ARHGAP6: variants seen among roughly 807,000 people sequenced by gnomAD.
The protein encoded by ARHGAP6 is Rho GTPase activating protein 6.
In ARHGAP6, 16 loss-of-function variants were observed where a neutral mutation model predicts 55.7. That is an observed-to-expected ratio of 0.29 (90% CI 0.19 to 0.44). ARHGAP6 has a LOEUF of 0.44. Ranked by LOEUF, ARHGAP6 falls within the 20% of genes least tolerant of loss-of-function variation. The probability of loss-of-function intolerance (pLI) is 1.00; values close to 1 mark genes in which losing one functional copy is unlikely to be tolerated. For missense variants in ARHGAP6, 698 were observed against 808.9 expected, an observed-to-expected ratio of 0.86 and a Z score of 1.66; for synonymous variants, 382 against 360.9, an observed-to-expected ratio of 1.06 and a Z score of -0.66.
At chrX:11,245,885 G>A (rs990011899) in intron 2 of ARHGAP6, among the ~76,000 whole-genome samples, 1 of 111,908 alleles carries the variant, frequency 8.9e-6, no homozygotes, top group Non-Finnish European at 1.9e-5. Flanking sequence ...CTGAGAACAG[G>A]CTGCAAACTA....
Position 11,443,664 on chromosome X carries a change from C to T in ARHGAP6, c.589-188957G>A, listed in dbSNP as rs144993593. On this transcript the variant is annotated intron_variant, in intron 1 of 12. Transcript: ENST00000337414. ...ACATTTCCTACCAGGTGCGGTGGCT[C>T]ACGCCTGTAATCCCAGTACTTTGGG... Among the ~76,000 whole-genome samples the T allele has an allele frequency of 9.1e-4, 103 of 112,582 alleles. 2 individuals carry two copies. The East Asian group carries it at 0.026, about 29-fold the overall frequency.
chrX:11,403,460 C>T (rs1292987300), intron 1 of ARHGAP6, among the ~76,000 whole-genome samples: 5 of 111,948 alleles, frequency 4.5e-5, no homozygotes, highest in Non-Finnish European at 9.4e-5. Context: ...GTGTATATCT[C>T]GTTAGGAACT....
chrX:11,409,902 G>A (rs1291440024), intron 1 of ARHGAP6, among the ~76,000 whole-genome samples: 1 of 112,221 alleles, frequency 8.9e-6, no homozygotes, highest in East Asian at 2.8e-4. Flanking sequence ...AAACCCAGGA[G>A]TTCAAGACCA....
intron 1 of ARHGAP6, among the ~76,000 whole-genome samples, chrX:11,444,533 G>C (rs1159803974): frequency 8.9e-6 from 1 of 112,221 alleles, no homozygotes; most frequent in African/African-American, 3.2e-5. Context: ...TCTCAGCAAG[G>C]ATGCCCTTTT....
In ARHGAP6 at chrX:11,632,384, C is replaced by T. The variant is rs763868636; in HGVS notation, c.588+31857G>A. Among the ~76,000 whole-genome samples, 76 of 112,301 alleles carry T rather than the reference C, an allele frequency of 6.8e-4. 1 individual carries two copies. Among genetic ancestry groups the T allele is most frequent in the Non-Finnish European group, 1.4e-3 (72 of 53,260 alleles). ...TAATACATAACAACTTGCCATCCTG[C>T]TGCTAGAAAGCCTTTGGGGTTACCA... On this transcript the variant is annotated intron_variant, in intron 1 of 12. Coordinates refer to ENST00000337414, the MANE Select transcript of ARHGAP6 (RefSeq NM_013427.3).
intron 1 of ARHGAP6, among the ~76,000 whole-genome samples, chrX:11,308,524 C>T (rs1193563653): frequency 1.8e-5 from 2 of 111,448 alleles, no homozygotes; most frequent in Non-Finnish European, 3.8e-5. Flanking sequence ...AATCAGTTAT[C>T]GATGTTATAG....
chrX:11,287,687 C>T (rs1170227870), intron 1 of ARHGAP6, among the ~76,000 whole-genome samples: 1 of 111,878 alleles, frequency 8.9e-6, no homozygotes, highest in Non-Finnish European at 1.9e-5. Context: ...TTCTGCACAC[C>T]AAGCATGCTC....
chrX:11,269,978 C>T (rs2047673099), intron 1 of ARHGAP6, among the ~76,000 whole-genome samples: 1 of 112,003 alleles, frequency 8.9e-6, no homozygotes, highest in Non-Finnish European at 1.9e-5. Context: ...GACCATGAAT[C>T]TGAAACAGTC....
chrX:11,272,507 C>A (rs1181681825), intron 1 of ARHGAP6, among the ~76,000 whole-genome samples: 2 of 110,193 alleles, frequency 1.8e-5, no homozygotes, highest in African/African-American at 6.6e-5. Flanking sequence ...ATTTCTTGCA[C>A]CCTTCCACAT....
chrX:11,165,108 T>C (rs778052690), intron 9 of ARHGAP6, among the ~76,000 whole-genome samples: 2 of 111,910 alleles, frequency 1.8e-5, no homozygotes, highest in East Asian at 2.8e-4. Context: ...GGTAAGGGAA[T>C]ATAAGCAGTA....
intron 1 of ARHGAP6, among the ~76,000 whole-genome samples, chrX:11,533,784 T>A (rs2051075890): frequency 8.9e-6 from 1 of 112,236 alleles, no homozygotes; most frequent in Non-Finnish European, 1.9e-5. Flanking sequence ...AAGATGCATC[T>A]CTAGTAGTGA....
At chrX:11,375,581 G>A (rs1226795920) in intron 1 of ARHGAP6, among the ~76,000 whole-genome samples, 15 of 111,930 alleles carry the variant, frequency 1.3e-4, no homozygotes, top group African/African-American at 4.5e-4. Flanking sequence ...TTTAGCAGGA[G>A]CTCCAAAAGG....
chrX:11,656,592 G>A (rs944175021), intron 1 of ARHGAP6, among the ~76,000 whole-genome samples: 1 of 111,442 alleles, frequency 9.0e-6, no homozygotes, highest in African/African-American at 3.3e-5. Context: ...TTCAAAGCCA[G>A]AAGTGTAGCA....
chrX:11,520,165 A>AC (rs2050901789), intron 1 of ARHGAP6, among the ~76,000 whole-genome samples: 1 of 76,008 alleles, frequency 1.3e-5, no homozygotes, highest in African/African-American at 4.8e-5. Flanking sequence ...ATATATATAT[A>AC]TATATATATA....
chrX:11,216,877 C>T (rs1168352652), intron 2 of ARHGAP6, among the ~76,000 whole-genome samples: 2 of 110,147 alleles, frequency 1.8e-5, no homozygotes, highest in Admixed American at 1.9e-4. Flanking sequence ...GCCCTCCACC[C>T]CCGACAGGCC....
intron 1 of ARHGAP6, among the ~76,000 whole-genome samples, chrX:11,586,653 A>G (rs1339859574): frequency 2.7e-5 from 3 of 111,102 alleles, no homozygotes; most frequent in Non-Finnish European, 5.7e-5. Context: ...TTGGCTATTC[A>G]GGCTTTTTTT....
At position 11,499,632 on chromosome X, in the gene ARHGAP6, C is replaced by T. The variant is rs368682133; in HGVS notation, c.588+164609G>A. Among the ~76,000 whole-genome samples the T allele has an allele frequency of 3.7e-4, 42 of 112,139 alleles. 1 individual carries two copies. The Admixed American group carries it at 3.9e-3, about 10-fold the overall frequency. ...CTCCAACTTTTAGGTGTTTATATAA[C>T]GACTGTTTTCTCACATCTTTTTGCT... On this transcript the variant is annotated intron_variant, in intron 1 of 12. Transcript: ENST00000337414.
intron 4 of ARHGAP6, 147 bp downstream of exon 4, chrX:11,188,581 A>C: frequency 6.0e-6 from 5 of 832,907 alleles, no homozygotes; most frequent in Non-Finnish European, 8.4e-6. Flanking sequence ...CCACGTGCCC[A>C]GTGCACATTC....
rs759851158 is a variant in ARHGAP6, at chrX:11,156,665, C to A, written c.1810-39G>T. The A allele has an allele frequency of 4.4e-5, 46 of 1,055,888 alleles. No individual in the cohort carries two copies. The South Asian group carries it at 8.5e-4, about 19-fold the overall frequency. 87.0% of individuals were successfully genotyped at this position (1,055,888 alleles called of 1,213,427 possible). ...ATGTTGAGGCATAAATAAAACCATT[C>A]CAGAAACAGGCAACATATGGTCACT... On this transcript the variant is annotated intron_variant, in intron 9 of 12. Coordinates refer to ENST00000337414, the MANE Select transcript of ARHGAP6 (RefSeq NM_013427.3).
Sources: allele counts gnomAD v4.1 joint callset (sites outside exome capture counted in the v4.1 genomes callset), GRCh38; gene constraint gnomAD v4.1.1; transcripts MANE v1.5; gene names NCBI Gene and HGNC (gene_info 2026-07-23, HGNC 2026-07-21).